Variants in SPATA21 observed in about 807,000 individuals in gnomAD.
SPATA21 encodes spermatogenesis associated 21, also known as spermatogenesis-associated protein 21.
In SPATA21, 47 loss-of-function variants were observed where a neutral mutation model predicts 54.8. That is an observed-to-expected ratio of 0.86 (90% CI 0.68 to 1.09). The LOEUF is 1.09. Among genes scored for constraint, SPATA21 ranks in the 50% least tolerant of loss-of-function variants. The probability of loss-of-function intolerance (pLI) is 0.00; values close to 1 mark genes in which losing one functional copy is unlikely to be tolerated. For missense variants in SPATA21, 599 were observed against 596.4 expected (o/e 1.00, Z -0.05); for synonymous variants, 245 against 235.3 (o/e 1.04, Z -0.38).
chr1:16,435,424 C>G (rs2086561952), intron 1 of SPATA21, among the ~76,000 whole-genome samples: 1 of 151,902 alleles, frequency 6.6e-6, no homozygotes, highest in South Asian at 2.1e-4. Flanking sequence ...CCATGCAATT[C>G]TCCTGCTTCA....
intron 3 of SPATA21, among the ~76,000 whole-genome samples, chr1:16,424,219 A>AG (rs2086253734): frequency 2.0e-4 from 1 of 5,094 alleles, no homozygotes; most frequent in African/African-American, 8.8e-4. Context: ...AGGCTGAGGC[A>AG]GGAGAATGGC....
At chr1:16,431,453 C>A in intron 2 of SPATA21, 31 bp from the exon 3 acceptor site, 1 of 1,583,782 alleles carries the variant, frequency 6.3e-7, no homozygotes, top group South Asian at 1.2e-5. Flanking sequence ...AGCGTCCCAC[C>A]AAGCCCATCA....
rs1469056409 is a variant in SPATA21 at position 16,421,484 on chromosome 1, C to T, written c.144+25G>A. The T allele has an allele frequency of 6.2e-7, 1 of 1,608,320 alleles. No homozygotes were observed. ...TGCCTTTCTCCTACACAGCTCGTCC[C>T]CGTTCCCCCTATGGCCCTACTTACT... On this transcript the variant is annotated intron_variant, in intron 5 of 12. Transcript: ENST00000335496. The surrounding 1 kb of genome is among the most constrained non-coding windows in gnomAD (Gnocchi z 5.2).
At chr1:16,407,145 G>A (rs937012019) in intron 7 of SPATA21, among the ~76,000 whole-genome samples, 4 of 152,186 alleles carry the variant, frequency 2.6e-5, no homozygotes, top group African/African-American at 9.7e-5. Context: ...GACAAACAGC[G>A]CTGAATGGTA....
intron 5 of SPATA21, among the ~76,000 whole-genome samples, chr1:16,417,634 C>T (rs1367455529): frequency 6.6e-6 from 1 of 151,976 alleles, no homozygotes; most frequent in East Asian, 1.9e-4. Flanking sequence ...TTTTTTTCCC[C>T]ATGTTGGCCA....
At chr1:16,424,512 G>C (rs1043335620) in intron 3 of SPATA21, among the ~76,000 whole-genome samples, 2 of 151,572 alleles carry the variant, frequency 1.3e-5, no homozygotes, top group Non-Finnish European at 2.9e-5. Flanking sequence ...CTGGACCCCA[G>C]GCTCAGGGGA....
Position 16,428,515 on chromosome 1 carries a change from G to A in SPATA21, c.34+2823C>T, listed in dbSNP as rs138002063. ...AGCGATTCTTGTGCCTCAGCTTCCC[G>A]AGTAGGTGGGATTACAGGTGTGCGC... On this transcript the variant is annotated intron_variant, in intron 3 of 12. Transcript: ENST00000335496. This position sits in a 1 kb window ranked among gnomAD's most constrained non-coding sequence, Gnocchi z 4.3. 5.0e-4 allele frequency among the ~76,000 whole-genome samples: 76 copies of A among 152,166 alleles called. No individual in the cohort carries two copies. The highest frequency in any genetic ancestry group is 1.7e-3 in the African/African-American group (69 of 41,532).
intron 8 of SPATA21, 98 bp from the exon 9 acceptor site, chr1:16,404,137 A>C: frequency 9.7e-7 from 1 of 1,026,786 alleles, no homozygotes; most frequent in Non-Finnish European, 1.5e-6. Flanking sequence ...TCTGGGTCTG[A>C]TTATCAAGCA....
chr1:16,430,114 CAAAAAAAAAA>C (rs1226598581), intron 3 of SPATA21, among the ~76,000 whole-genome samples: 2 of 53,152 alleles, frequency 3.8e-5, no homozygotes, highest in South Asian at 7.0e-4. Context: ...GACTCTATCT[CAAAAAAAAAA>C]AAAAAAAAAA....
intron 3 of SPATA21, chr1:16,425,579 T>C: frequency 1.3e-6 from 2 of 1,550,050 alleles, no homozygotes; most frequent in Non-Finnish European, 1.7e-6. Flanking sequence ...TTGCCTCCCC[T>C]GCTGGCCCTT....
At chr1:16,397,129 T>C (rs1424440240), downstream of SPATA21, 2 of 152,280 alleles carry the variant, frequency 1.3e-5, no homozygotes, top group African/African-American at 4.8e-5. This position sits in a 1 kb window ranked among gnomAD's most constrained non-coding sequence, Gnocchi z 5.4. Flanking sequence ...TGCCCAGCCA[T>C]TGGGACCACC....
Position 16,416,680 on chromosome 1 carries a change from C to CA in SPATA21, c.144+4828dup, listed in dbSNP as rs71574184. On this transcript the variant is annotated intron_variant, in intron 5 of 12. Transcript: ENST00000335496. ...TGGGCGACAGAGAGAGACTCCATCT[C>CA]AAAAAAAAAAAAAAAGAATGTGGTG... is the stretch of plus-strand genomic sequence containing the variant. 1.7e-3 allele frequency among the ~76,000 whole-genome samples: 220 copies of CA among 130,262 alleles called. 2 individuals carry two copies. The highest frequency in any genetic ancestry group is 5.5e-3 in the South Asian group (21 of 3,844). The allele number at this position is 130,262 out of a possible 152,430, so 85.5% of individuals were successfully genotyped here.
chr1:16,400,644 C>T, intron 11 of SPATA21, 76 bp downstream of exon 11: 3 of 1,519,846 alleles, frequency 2.0e-6, no homozygotes, highest in South Asian at 1.3e-5. Flanking sequence ...GCCTGAGGGT[C>T]CAAGGAAAGG....
chr1:16,412,468 G>C (rs7512556), intron 5 of SPATA21, among the ~76,000 whole-genome samples: 1 of 146,956 alleles, frequency 6.8e-6, no homozygotes, highest in African/African-American at 2.7e-5. Context: ...TACCATCTTT[G>C]TTTGTTTGTT....
In SPATA21 at chr1:16,403,728, T is replaced by G; in HGVS notation, c.1000A>C (p.Asn334His). The stretch of plus-strand genomic sequence containing the variant: ...CCCCCAACAACCGGCCCCACTCACT[T>G]TGTGATTTCCTCTAAGACTGCCTCT... ...LPEAVLEEITNYYQKKLKEGT... is the reference protein window; with the variant it reads ...LPEAVLEEITHYYQKKLKEGT... The change falls in exon 10 of 13, where the codon AAC becomes CAC. Residue 334 changes from asparagine to histidine, a missense_variant and splice_region_variant. Coordinates refer to ENST00000335496, the MANE Select transcript of SPATA21 (RefSeq NM_198546.1). 1 of 1,612,196 alleles carries G rather than the reference T, an allele frequency of 6.2e-7. No homozygotes were observed. Among genetic ancestry groups the G allele is most frequent in the Non-Finnish European group, 8.5e-7 (1 of 1,178,332 alleles).
At chr1:16,427,287 C>T (rs2086348701) in intron 3 of SPATA21, among the ~76,000 whole-genome samples, 1 of 152,072 alleles carries the variant, frequency 6.6e-6, no homozygotes, top group Non-Finnish European at 1.5e-5. Context: ...TGAGTTGTCT[C>T]TCCTAACTTT....
At chr1:16,401,989 C>T (rs2085461489) in intron 10 of SPATA21, among the ~76,000 whole-genome samples, 1 of 152,160 alleles carries the variant, frequency 6.6e-6, no homozygotes. Flanking sequence ...ACCTCTTACT[C>T]CAGCCGTCTA....
chr1:16,423,791 G>A (rs1173597476), intron 3 of SPATA21, among the ~76,000 whole-genome samples: 2 of 151,830 alleles, frequency 1.3e-5, no homozygotes, highest in Admixed American at 6.6e-5. Context: ...TGATTCACCC[G>A]CCTCAGCCTC....
chr1:16,400,629 T>C, intron 11 of SPATA21, 91 bp downstream of exon 11: 1 of 1,511,432 alleles, frequency 6.6e-7, no homozygotes, highest in Non-Finnish European at 8.8e-7. Flanking sequence ...TCCCTTGGCC[T>C]GGCTGCCTGA....
Sources: allele counts gnomAD v4.1 joint callset (sites outside exome capture counted in the v4.1 genomes callset), GRCh38; gene constraint gnomAD v4.1.1; non-coding constraint Gnocchi (gnomAD v3.1); transcripts MANE v1.5; gene names NCBI Gene and HGNC (gene_info 2026-07-23, HGNC 2026-07-21).